Variants in ITPR2 observed in about 807,000 individuals in gnomAD.
The protein encoded by ITPR2 is inositol 1,4,5-trisphosphate receptor type 2.
A neutral mutation model predicts 317.1 loss-of-function variants in ITPR2; 207 were observed. The observed-to-expected ratio is 0.65, with a 90% CI of 0.58 to 0.73. The LOEUF (loss-of-function observed/expected upper bound fraction) is 0.73. Ranked by LOEUF, ITPR2 falls within the 30% of genes least tolerant of loss-of-function variation. The pLI is 0.00. For missense variants in ITPR2, 2,613 were observed against 3,284.0 expected (o/e 0.80, Z 4.99); for synonymous variants, 1,156 against 1,149.1 (o/e 1.01, Z -0.12).
chr12:26,752,367 T>A (rs1338511199), intron 2 of ITPR2, among the ~76,000 whole-genome samples: 1 of 152,002 alleles, frequency 6.6e-6, no homozygotes, highest in Non-Finnish European at 1.5e-5. Flanking sequence ...AGAGAGGAGA[T>A]CAACAGAAGA....
chr12:26,529,605 C>T lies in ITPR2; in HGVS notation c.5073+20642G>A, dbSNP rs112265665. On this transcript the variant is annotated intron_variant, in intron 37 of 56. Coordinates refer to ENST00000381340, the MANE Select transcript of ITPR2 (RefSeq NM_002223.4). Reference sequence around the variant, plus strand: ...TATTAAAGATCCTATAATCACGCTGCCTGGGTTCTAATGCCAGCTGGGTCA... The same window carrying T: ...TATTAAAGATCCTATAATCACGCTGTCTGGGTTCTAATGCCAGCTGGGTCA... 1.3e-3 allele frequency among the ~76,000 whole-genome samples: 192 copies of T among 152,276 alleles called. 1 individual carries two copies. Among genetic ancestry groups the T allele is most frequent in the African/African-American group, 3.7e-3 (153 of 41,548 alleles).
rs533726396 is a variant in ITPR2 at position 26,629,038 on chromosome 12, A to G, written c.2935-876T>C. ...ATTAATGGTGCCCCTACATTCTCAA[A>G]AGTGTCGTATTTGGACAGTAAACAA... On this transcript the variant is annotated intron_variant, in intron 22 of 56. Coordinates refer to ENST00000381340, the MANE Select transcript of ITPR2 (RefSeq NM_002223.4). 1.2e-4 allele frequency among the ~76,000 whole-genome samples: 19 copies of G among 152,210 alleles called. No homozygotes were observed. In the South Asian group the frequency reaches 3.1e-3, roughly 25 times the overall value.
intron 52 of ITPR2, among the ~76,000 whole-genome samples, chr12:26,401,028 G>C (rs1263331639): frequency 6.6e-6 from 1 of 151,956 alleles, no homozygotes; most frequent in Non-Finnish European, 1.5e-5. Context: ...TCAGGAGTTT[G>C]AGACCAGCCT....
At chr12:26,356,464 T>C (rs1938642801) in intron 55 of ITPR2, among the ~76,000 whole-genome samples, 1 of 152,244 alleles carries the variant, frequency 6.6e-6, no homozygotes, top group African/African-American at 2.4e-5. Context: ...CAGAGGATCC[T>C]GGCTCTTTTC....
chr12:26,567,989 T>TATA (rs1945040604), intron 34 of ITPR2, among the ~76,000 whole-genome samples: 1 of 5,638 alleles, frequency 1.8e-4, no homozygotes, highest in African/African-American at 4.6e-4. Flanking sequence ...TATATATATA[T>TATA]ATATATATTA....
At chr12:26,397,833 A>G (rs1265523371) in intron 54 of ITPR2, among the ~76,000 whole-genome samples, 1 of 152,184 alleles carries the variant, frequency 6.6e-6, no homozygotes, top group Non-Finnish European at 1.5e-5. Context: ...TTTCAGCCTA[A>G]TGTGGCAACA....
rs111234797 is a variant in ITPR2 at position 26,380,037 on chromosome 12, G to A, written c.7857+7397C>T. ...ACATCTCAGGTTCAGTGTCTTACCT[G>A]CCTTCCCTCATTCTTATTCTCCATG... is the stretch of plus-strand genomic sequence containing the variant. On this transcript the variant is annotated intron_variant, in intron 55 of 56. Coordinates refer to ENST00000381340, the MANE Select transcript of ITPR2 (RefSeq NM_002223.4). Among the ~76,000 whole-genome samples the A allele has an allele frequency of 9.0e-3, 1,376 of 152,250 alleles. 28 individuals carry two copies. The highest frequency in any genetic ancestry group is 0.031 in the African/African-American group (1,271 of 41,536).
intron 51 of ITPR2, among the ~76,000 whole-genome samples, chr12:26,413,113 C>T (rs1163979005): frequency 6.6e-6 from 1 of 152,184 alleles, no homozygotes; most frequent in Non-Finnish European, 1.5e-5. Flanking sequence ...CTCCACTTCT[C>T]AACAGATCCT....
chr12:26,536,606 G>A (rs1344643859), intron 37 of ITPR2, among the ~76,000 whole-genome samples: 2 of 152,226 alleles, frequency 1.3e-5, no homozygotes, highest in Admixed American at 1.3e-4. Flanking sequence ...TCATGGAGTA[G>A]CAGCAATTAC....
At chr12:26,502,662 G>T (rs1169606673) in intron 37 of ITPR2, among the ~76,000 whole-genome samples, 1 of 152,192 alleles carries the variant, frequency 6.6e-6, no homozygotes, top group African/African-American at 2.4e-5. Flanking sequence ...TGCTGAGTGG[G>T]GGGTAAGGCA....
At chr12:26,449,758 A>T (rs1403776512) in intron 45 of ITPR2, among the ~76,000 whole-genome samples, 1 of 152,112 alleles carries the variant, frequency 6.6e-6, no homozygotes, top group Non-Finnish European at 1.5e-5. Context: ...GTGCAATGAG[A>T]AGAGGACTAG....
chr12:26,612,660 C>G (rs1946295190), intron 26 of ITPR2, among the ~76,000 whole-genome samples: 1 of 152,210 alleles, frequency 6.6e-6, no homozygotes, highest in African/African-American at 2.4e-5. Flanking sequence ...TGCTACCTCA[C>G]TAGTCCATGC....
intron 1 of ITPR2, chr12:26,800,700 T>C (rs1271288965): frequency 2.0e-5 from 3 of 152,178 alleles, no homozygotes; most frequent in Non-Finnish European, 2.9e-5. Context: ...ACACAGCTAA[T>C]TAATATCTTA....
chr12:26,474,726 G>A (rs1398975251), intron 45 of ITPR2, among the ~76,000 whole-genome samples: 4 of 148,174 alleles, frequency 2.7e-5, no homozygotes, highest in Non-Finnish European at 6.0e-5. Context: ...CCCGGGAGGC[G>A]GAGCTTGCAG....
rs149410160 is a variant in ITPR2, at chr12:26,365,851, T to C, written c.7857+21583A>G. On this transcript the variant is annotated intron_variant, in intron 55 of 56. Transcript: ENST00000381340. ...ACACAAACACTGATCCCACAGCTGC[T>C]GCCTGCTTAGAAACCATTTCTTTTT... Among the ~76,000 whole-genome samples the C allele has an allele frequency of 3.9e-4, 59 of 152,372 alleles. 1 individual carries two copies. The highest frequency in any genetic ancestry group is 9.2e-4 in the Admixed American group (14 of 15,300).
chr12:26,751,700 A>C (rs1565737498), intron 2 of ITPR2, among the ~76,000 whole-genome samples: 1 of 151,786 alleles, frequency 6.6e-6, no homozygotes, highest in African/African-American at 2.4e-5. Context: ...ACCCCGTCTC[A>C]ACTAAAAATA....
At chr12:26,340,373 G>C in intron 55 of ITPR2, 45 bp from the exon 56 acceptor site, 3 of 1,532,020 alleles carry the variant, frequency 2.0e-6, no homozygotes, top group Non-Finnish European at 2.6e-6. Context: ...AAGTATGGAA[G>C]GGGAGAATGT....
At chr12:26,452,683 T>C (rs1390129124) in intron 45 of ITPR2, among the ~76,000 whole-genome samples, 3 of 152,196 alleles carry the variant, frequency 2.0e-5, no homozygotes, top group African/African-American at 7.2e-5. Context: ...ATTTGGTATC[T>C]TGAGAGCAGG....
chr12:26,509,167 T>C (rs928695929), intron 37 of ITPR2, among the ~76,000 whole-genome samples: 1 of 152,240 alleles, frequency 6.6e-6, no homozygotes, highest in African/African-American at 2.4e-5. Context: ...ATTCCATTTA[T>C]ATGAAATGTC....
Sources: allele counts gnomAD v4.1 joint callset (sites outside exome capture counted in the v4.1 genomes callset), GRCh38; gene constraint gnomAD v4.1.1; transcripts MANE v1.5; gene names NCBI Gene and HGNC (gene_info 2026-07-23, HGNC 2026-07-21).